The following MTO1 variants were observed in gnomAD, a reference collection of about 807,000 sequenced individuals.
MTO1 encodes the protein mitochondrial tRNA translation optimization 1.
A neutral mutation model predicts 71.6 loss-of-function variants in MTO1; 46 were observed. That is an observed-to-expected ratio of 0.64 (90% CI 0.51 to 0.82). MTO1 has a LOEUF of 0.82. Among genes scored for constraint, MTO1 ranks in the 40% least tolerant of loss-of-function variants. MTO1 has a pLI of 0.00. For missense variants in MTO1, 773 were observed against 867.5 expected (o/e 0.89, Z 1.37); for synonymous variants, 297 against 312.1 (o/e 0.95, Z 0.51).
At chr6:73,469,601 G>A (rs1283410007) in intron 3 of MTO1, among the ~76,000 whole-genome samples, 8 of 149,540 alleles carry the variant, frequency 5.3e-5, no homozygotes, top group South Asian at 2.1e-4. Context: ...CAGCCTGGGC[G>A]ACAAGAGTGA....
chr6:73,478,182 G>A (rs1771384658), intron 4 of MTO1, among the ~76,000 whole-genome samples: 1 of 151,550 alleles, frequency 6.6e-6, no homozygotes, highest in Non-Finnish European at 1.5e-5. Flanking sequence ...GGAGGCAGAG[G>A]TTGCAGTGAG....
At chr6:73,495,901 GT>G (rs1771965194) in intron 10 of MTO1, among the ~76,000 whole-genome samples, 1 of 152,114 alleles carries the variant, frequency 6.6e-6, no homozygotes, top group Non-Finnish European at 1.5e-5. Flanking sequence ...GAACTGCCCT[GT>G]GAAGGGCAGA....
rs1365963552 is a variant in MTO1, at chr6:73,507,286, T to C, written c.*6551T>C. On this transcript the variant is annotated 3_prime_UTR_variant, in exon 12 of 12. Transcript: ENST00000498286. ...TCAAGGCTGCAGTGAGCTCTGATTA[T>C]ACCACTGTACTCCAGCCTAGGCAAC... The C allele has an allele frequency of 6.6e-6, 1 of 152,156 alleles. No individual in the cohort carries two copies. The highest frequency in any genetic ancestry group is 1.5e-5 in the Non-Finnish European group (1 of 68,052). The allele number at this position is 152,156 out of a possible 1,614,324, so 9.4% of individuals were successfully genotyped here.
At position 73,508,282 on chromosome 6, in the gene MTO1, A is replaced by G. The variant is rs1772343153; in HGVS notation, c.*7547A>G. 1 of 152,096 alleles carries G rather than the reference A, an allele frequency of 6.6e-6. No individual in the cohort carries two copies. Among genetic ancestry groups the G allele is most frequent in the Non-Finnish European group, 1.5e-5 (1 of 68,008 alleles). 9.4% of individuals were successfully genotyped at this position (152,096 alleles called of 1,614,324 possible). On this transcript the variant is annotated 3_prime_UTR_variant, in exon 12 of 12. Coordinates refer to ENST00000498286, the MANE Select transcript of MTO1 (RefSeq NM_012123.4). ...TTAGAATTTGCTAGGCTAAACAACT[A>G]TTTTTTAGTCCAGTGGCTTGTAATT...
intron 10 of MTO1, among the ~76,000 whole-genome samples, chr6:73,496,979 G>A (rs1383452218): frequency 6.6e-6 from 1 of 150,922 alleles, no homozygotes; most frequent in Non-Finnish European, 1.5e-5. Context: ...GCTTGAACCT[G>A]GGACGTGGAG....
At chr6:73,476,825 A>G (rs1055851983) in intron 4 of MTO1, among the ~76,000 whole-genome samples, 6 of 150,276 alleles carry the variant, frequency 4.0e-5, no homozygotes, top group Non-Finnish European at 7.4e-5. Context: ...GCCTCACACT[A>G]TCCCCCAGGC....
chr6:73,473,478 C>T lies in MTO1; in HGVS notation c.649C>T (p.Pro217Ser). 1 of 1,614,064 alleles carries T rather than the reference C, an allele frequency of 6.2e-7. No individual in the cohort carries two copies. Among genetic ancestry groups the T allele is most frequent in the Non-Finnish European group, 8.5e-7 (1 of 1,180,032 alleles). ...TCCAGCAGGACGTTTAGGGGATCAG[C>T]CTTCTATAGGATTGGCTCAGACACT... is the stretch of plus-strand genomic sequence containing the variant. ...THPAGRLGDQPSIGLAQTLEK... is the reference protein window; with the variant it reads ...THPAGRLGDQSSIGLAQTLEK... The change falls in exon 4 of 12, where the codon CCT becomes TCT. Residue 217 changes from proline (P) to serine (S), a missense_variant. Transcript: ENST00000498286.
intron 9 of MTO1, chr6:73,488,019 A>G (rs917421672): frequency 6.6e-6 from 1 of 152,174 alleles, no homozygotes; most frequent in African/African-American, 2.4e-5. Context: ...GATAGTAGCC[A>G]TCCTAGTGGA....
intron 3 of MTO1, among the ~76,000 whole-genome samples, chr6:73,468,433 A>G (rs1771061072): frequency 6.6e-6 from 1 of 151,938 alleles, no homozygotes; most frequent in Non-Finnish European, 1.5e-5. Flanking sequence ...ACTTATTATT[A>G]TGGTAATTCT....
rs1254695817 is a variant in MTO1 at position 73,497,837 on chromosome 6, A to G, written c.1858A>G (p.Arg620Gly). 1 of 1,613,974 alleles carries G rather than the reference A, an allele frequency of 6.2e-7. No individual in the cohort carries two copies. The highest frequency in any genetic ancestry group is 1.7e-5 in the Admixed American group (1 of 60,010). ...AAAAGACCTAGATTATTTGACTATCAGGGATGTGTCTTTGTCCCATGAAGT... is the reference window on the plus strand; with the variant it reads ...AAAAGACCTAGATTATTTGACTATCGGGGATGTGTCTTTGTCCCATGAAGT... ...LPKDLDYLTIRDVSLSHEVRE... is the reference protein window; with the variant it reads ...LPKDLDYLTIGDVSLSHEVRE... Residue 620 changes from arginine (R) to glycine (G), a missense_variant, in exon 11 of 12, where the codon AGG becomes GGG. Transcript: ENST00000498286.
At chr6:73,479,463 C>G (rs1771425330) in intron 4 of MTO1, among the ~76,000 whole-genome samples, 1 of 152,038 alleles carries the variant, frequency 6.6e-6, no homozygotes. Context: ...CTACTGCCCT[C>G]CAGCCTGGGC....
At chr6:73,493,184 C>T (rs1771871023) in intron 10 of MTO1, among the ~76,000 whole-genome samples, 1 of 151,352 alleles carries the variant, frequency 6.6e-6, no homozygotes. Flanking sequence ...TTAGTGTTCA[C>T]GGGGTTTCAC....
chr6:73,485,769 C>G (rs1040621189), intron 9 of MTO1, among the ~76,000 whole-genome samples: 1 of 152,048 alleles, frequency 6.6e-6, no homozygotes, highest in African/African-American at 2.4e-5. Flanking sequence ...CTCACTTGAT[C>G]AATGCCCAGA....
intron 3 of MTO1, 26 bp from the exon 4 acceptor site, chr6:73,473,339 C>T (rs200475879): frequency 8.3e-5 from 131 of 1,579,012 alleles, no homozygotes; most frequent in Non-Finnish European, 1.0e-4. Context: ...TAGATAATGA[C>T]TTTATTCTTT....
intron 4 of MTO1, among the ~76,000 whole-genome samples, chr6:73,478,536 A>T (rs779127060): frequency 6.6e-6 from 1 of 152,176 alleles, no homozygotes; most frequent in East Asian, 1.9e-4. Flanking sequence ...TATGCAAATT[A>T]TGATAACCCT....
chr6:73,491,839 G>A (rs1043212895), intron 9 of MTO1, among the ~76,000 whole-genome samples: 1 of 152,148 alleles, frequency 6.6e-6, no homozygotes, highest in African/African-American at 2.4e-5. Flanking sequence ...TTTTGGGGCC[G>A]GGCGCAGTGG....
rs1772293912 is a variant in MTO1, at chr6:73,506,590, A to G, written c.*5855A>G. The stretch of plus-strand genomic sequence containing the variant: ...TCAGCCATGTGGAACTTTGGGGACG[A>G]AAAGAGGTTTAATTGGACTTAAAGT... On this transcript the variant is annotated 3_prime_UTR_variant, in exon 12 of 12. Transcript: ENST00000498286. 1 of 152,526 alleles carries G rather than the reference A, an allele frequency of 6.6e-6. No individual in the cohort carries two copies. The highest frequency in any genetic ancestry group is 2.4e-5 in the African/African-American group (1 of 41,394). The allele number at this position is 152,526 out of a possible 1,614,324, so 9.4% of individuals were successfully genotyped here.
chr6:73,482,537 G>A lies in MTO1; in HGVS notation c.1554G>A (p.Leu518=), dbSNP rs779529212. 3 of 1,612,508 alleles carry A rather than the reference G, an allele frequency of 1.9e-6. No individual in the cohort carries two copies. The highest frequency in any genetic ancestry group is 1.7e-6 in the Non-Finnish European group (2 of 1,179,746). The change falls in exon 9 of 12, where the codon TTG becomes TTA. Residue 518 remains leucine, a synonymous_variant. Transcript: ENST00000498286. Reference sequence around the variant, plus strand: ...CTTTAGAAGAAGGCATTTCTGTGTTGAAATCTATTGAGTTTTTGAGCTCTA... The same window carrying A: ...CTTTAGAAGAAGGCATTTCTGTGTTAAAATCTATTGAGTTTTTGAGCTCTA... The part of the protein sequence containing the change: ...KSSLEEGISV[L]KSIEFLSSKW...
intron 9 of MTO1, among the ~76,000 whole-genome samples, chr6:73,486,408 C>A (rs1403096802): frequency 6.6e-6 from 1 of 152,092 alleles, no homozygotes; most frequent in African/African-American, 2.4e-5. Flanking sequence ...CCCTGGTAAC[C>A]CCATTCTACT....
Sources: gnomAD v4.1 joint callset for allele counts (sites outside exome capture counted in the v4.1 genomes callset) on GRCh38, gnomAD v4.1.1 for gene constraint, MANE v1.5 for transcripts, NCBI Gene and HGNC (gene_info 2026-07-23, HGNC 2026-07-21) for gene names.